Variants in MTRF1 observed in about 807,000 individuals in gnomAD.
The protein encoded by MTRF1 is mitochondrial translation release factor 1, also known as peptide chain release factor 1, mitochondrial.
A neutral mutation model predicts 62.9 loss-of-function variants in MTRF1; 51 were observed. That is an observed-to-expected ratio of 0.81 (90% confidence interval 0.65 to 1.02). The LOEUF is 1.02. MTRF1 is among the 50% of genes least tolerant of loss of function. MTRF1 has a pLI of 0.00. For synonymous variants in MTRF1, 158 were observed against 181.9 expected (o/e 0.87, Z 1.06); for missense variants, 446 against 530.0 (o/e 0.84, Z 1.56).
the MTRF1 span, among the ~76,000 whole-genome samples, chr13:41,276,539 T>C: frequency 6.6e-6 from 1 of 152,202 alleles, no homozygotes; most frequent in African/African-American, 2.4e-5. Flanking sequence ...CATCTTTTAG[T>C]TATTTTTTTT....
At chr13:41,276,233 T>C in the MTRF1 span, among the ~76,000 whole-genome samples, 5 of 151,984 alleles carry the variant, frequency 3.3e-5, no homozygotes, top group Non-Finnish European at 7.4e-5. Context: ...TGCAATGGCA[T>C]TGATCTCGGC....
chr13:41,264,238 C>T (rs2040759579), upstream of MTRF1, among the ~76,000 whole-genome samples: 1 of 152,006 alleles, frequency 6.6e-6, no homozygotes, highest in South Asian at 2.1e-4. Flanking sequence ...TAGTAACAGC[C>T]CCAAAAGTTA....
the MTRF1 span, among the ~76,000 whole-genome samples, chr13:41,276,734 A>G: frequency 6.6e-6 from 1 of 152,208 alleles, no homozygotes; most frequent in Non-Finnish European, 1.5e-5. Flanking sequence ...TAAAGCAATG[A>G]GAGACCTCCA....
chr13:41,271,327 T>G, the MTRF1 span, among the ~76,000 whole-genome samples: 1 of 152,152 alleles, frequency 6.6e-6, no homozygotes, highest in Non-Finnish European at 1.5e-5. Flanking sequence ...ACTACTTCCA[T>G]TTTACATAAA....
At chr13:41,223,759 G>A (rs1455132423) in intron 8 of MTRF1, among the ~76,000 whole-genome samples, 1 of 152,126 alleles carries the variant, frequency 6.6e-6, no homozygotes, top group Non-Finnish European at 1.5e-5. Context: ...AGATGCACAC[G>A]GCGGGAGAGA....
chr13:41,253,039 A>T lies in MTRF1; in HGVS notation c.508-9T>A, dbSNP rs200966198. 466 of 1,584,588 alleles carry T rather than the reference A, an allele frequency of 2.9e-4. 1 individual carries two copies. In the Middle Eastern group the frequency reaches 9.6e-3, roughly 33 times the overall value. ...ACAAGGCTCTGGAAAAGCTGGAATA[A>T]AAATCAGCATTTGTGTGTATATTTT... is the stretch of plus-strand genomic sequence containing the variant. On this transcript the variant is annotated splice_polypyrimidine_tract_variant and intron_variant, in intron 3 of 9. Transcript: ENST00000379480.
rs771059245 is a variant in MTRF1, at chr13:41,240,443, C to G, written c.698-10G>C. On this transcript the variant is annotated splice_polypyrimidine_tract_variant and intron_variant, in intron 5 of 9. Coordinates refer to ENST00000379480, the MANE Select transcript of MTRF1 (RefSeq NM_004294.4). ...GCATGATGTAGTCCACCTAGGGGAA[C>G]AACAATCCAGAAATAGTAATGAATT... 2 of 1,608,306 alleles carry G rather than the reference C, an allele frequency of 1.2e-6. No homozygotes were observed. Among genetic ancestry groups the G allele is most frequent in the Non-Finnish European group, 1.7e-6 (2 of 1,177,212 alleles).
At chr13:41,276,591 G>A in the MTRF1 span, among the ~76,000 whole-genome samples, 1 of 152,108 alleles carries the variant, frequency 6.6e-6, no homozygotes, top group African/African-American at 2.4e-5. Flanking sequence ...ATAACAGTGA[G>A]AAAATTATGG....
the MTRF1 span, among the ~76,000 whole-genome samples, chr13:41,300,008 G>A: frequency 6.6e-6 from 1 of 152,200 alleles, no homozygotes; most frequent in African/African-American, 2.4e-5. Context: ...TCAGACTTGA[G>A]AGGAGCCTTT....
chr13:41,259,712 A>AAAAAAACAAAAAAAAAAAAAAC (rs1555268025), intron 2 of MTRF1, among the ~76,000 whole-genome samples: 10 of 136,706 alleles, frequency 7.3e-5, no homozygotes, highest in Non-Finnish European at 9.4e-5. Context: ...AAAAAAAAAA[A>AAAAAAACAAAAAAAAAAAAAAC]AAAAAAAAAC....
intron 9 of MTRF1, among the ~76,000 whole-genome samples, chr13:41,222,111 G>C (rs2033492423): frequency 6.6e-6 from 1 of 152,014 alleles, no homozygotes. Flanking sequence ...GAATAGGATG[G>C]GACAGAGTCA....
chr13:41,304,954 C>T, the MTRF1 span, among the ~76,000 whole-genome samples: 7 of 152,284 alleles, frequency 4.6e-5, no homozygotes, highest in Admixed American at 6.5e-5. Context: ...GGTTTCACAA[C>T]GCAGAACAAA....
chr13:41,270,985 C>T, the MTRF1 span, among the ~76,000 whole-genome samples: 43 of 152,116 alleles, frequency 2.8e-4, 1 homozygote, highest in East Asian at 2.9e-3. Flanking sequence ...GTCATCCACC[C>T]GCTTTGGCCT....
chr13:41,220,771 A>C, intron 9 of MTRF1: 1 of 406,276 alleles, frequency 2.5e-6, no homozygotes, highest in Non-Finnish European at 4.7e-6. Flanking sequence ...GGTGGCTGAA[A>C]ATGTGGCCTC....
At chr13:41,240,114 G>C in intron 6 of MTRF1, 147 bp downstream of exon 6, 1 of 677,408 alleles carries the variant, frequency 1.5e-6, no homozygotes, top group African/African-American at 1.8e-5. Flanking sequence ...AGTGAGCAGA[G>C]ATCGCGCCAC....
intron 5 of MTRF1, among the ~76,000 whole-genome samples, chr13:41,243,404 C>CAAAAAA (rs371273057): frequency 1.3e-5 from 1 of 76,504 alleles, no homozygotes; most frequent in African/African-American, 5.5e-5. Context: ...GACCCTGTCT[C>CAAAAAA]AAAAAAAAAA....
the MTRF1 span, among the ~76,000 whole-genome samples, chr13:41,278,551 C>T: frequency 6.6e-6 from 1 of 152,162 alleles, no homozygotes; most frequent in Non-Finnish European, 1.5e-5. Flanking sequence ...GTGAATTGGC[C>T]TTATGTTCCC....
intron 9 of MTRF1, chr13:41,220,734 C>G (rs571989275): frequency 1.9e-6 from 1 of 521,724 alleles, no homozygotes; most frequent in African/African-American, 2.0e-5. Context: ...CAATTTCATT[C>G]TCTTCTCACT....
intron 6 of MTRF1, among the ~76,000 whole-genome samples, chr13:41,239,850 A>C (rs181378192): frequency 1.6e-4 from 25 of 152,284 alleles, no homozygotes; most frequent in Admixed American, 9.2e-4. Flanking sequence ...TATAAAGTCC[A>C]ATCTGTAGCC....
Sources: gnomAD v4.1 joint callset for allele counts (sites outside exome capture counted in the v4.1 genomes callset) on GRCh38, gnomAD v4.1.1 for gene constraint, MANE v1.5 for transcripts, NCBI Gene and HGNC (gene_info 2026-07-23, HGNC 2026-07-21) for gene names.